The following CAST variants were observed in gnomAD, a reference collection of about 807,000 sequenced individuals.
CAST encodes the protein MIR583 host.
CAST carries 76 observed loss-of-function variants against 119.6 expected under a neutral mutation model. The observed-to-expected ratio is 0.64, with a 90% CI of 0.53 to 0.77. The LOEUF (loss-of-function observed/expected upper bound fraction) is 0.77. Ranked by LOEUF, CAST falls within the 30% of genes least tolerant of loss-of-function variation. The probability of loss-of-function intolerance (pLI) is 0.00; values close to 1 mark genes in which losing one functional copy is unlikely to be tolerated. For missense variants in CAST, 953 were observed against 946.5 expected, an observed-to-expected ratio of 1.01 and a Z score of -0.09; for synonymous variants, 319 against 331.6, an observed-to-expected ratio of 0.96 and a Z score of 0.41.
chr5:96,769,402 T>C (rs1378393734), intron 29 of CAST: 1 of 151,946 alleles, frequency 6.6e-6, no homozygotes, highest in African/African-American at 2.4e-5. Context: ...TTTTGTTTTT[T>C]TTTTTTTGCC....
At chr5:96,568,819 T>TA (rs1746522998) in intron 1 of CAST, among the ~76,000 whole-genome samples, 2 of 152,042 alleles carry the variant, frequency 1.3e-5, no homozygotes, top group African/African-American at 2.4e-5. Flanking sequence ...CTATAATAAC[T>TA]AAATCTATGC....
chr5:96,423,338 T>C, the CAST span: 1 of 1,612,586 alleles, frequency 6.2e-7, no homozygotes, highest in Non-Finnish European at 8.5e-7. Flanking sequence ...GTCCGTGTGA[T>C]TCCACTCCAA....
At chr5:96,666,351 A>C (rs1450781874) in intron 1 of CAST, among the ~76,000 whole-genome samples, 1 of 152,202 alleles carries the variant, frequency 6.6e-6, no homozygotes, top group East Asian at 1.9e-4. Flanking sequence ...AACGAAGGTT[A>C]ATTTGGCCCA....
intron 1 of CAST, among the ~76,000 whole-genome samples, chr5:96,549,893 AG>A (rs1484662773): frequency 2.0e-5 from 3 of 152,232 alleles, no homozygotes. Context: ...ATGTAAACAA[AG>A]CTGCAGGGAA....
chr5:96,650,727 ATTGT>A (rs1748083400), intron 1 of CAST, among the ~76,000 whole-genome samples: 3 of 73,104 alleles, frequency 4.1e-5, no homozygotes, highest in Admixed American at 4.0e-4. Flanking sequence ...TACCCACTTA[ATTGT>A]GTGTGTGTGT....
At chr5:96,619,621 C>G (rs760001741) in intron 1 of CAST, among the ~76,000 whole-genome samples, 2 of 152,210 alleles carry the variant, frequency 1.3e-5, no homozygotes, top group Admixed American at 6.5e-5. Flanking sequence ...CTGTAACGCT[C>G]ACTGCGAAGG....
chr5:96,685,155 C>T (rs552411053), intron 2 of CAST, among the ~76,000 whole-genome samples: 1 of 151,758 alleles, frequency 6.6e-6, no homozygotes, highest in Admixed American at 6.6e-5. Flanking sequence ...TTAGGTCCCA[C>T]CAAATTGTCT....
At chr5:96,256,208 AC>A in the CAST span, among the ~76,000 whole-genome samples, 1 of 148,398 alleles carries the variant, frequency 6.7e-6, no homozygotes, top group African/African-American at 2.4e-5. Context: ...TTATATATAA[AC>A]TTACATATAT....
At chr5:96,429,100 T>C in the CAST span, 1 of 672,328 alleles carries the variant, frequency 1.5e-6, no homozygotes, top group South Asian at 1.7e-5. Flanking sequence ...TAAACAATCT[T>C]GGTCACAATA....
chr5:96,369,215 T>G, the CAST span, among the ~76,000 whole-genome samples: 1 of 151,970 alleles, frequency 6.6e-6, no homozygotes. Context: ...TACTTAGTTC[T>G]TGATGGATTA....
the CAST span, among the ~76,000 whole-genome samples, chr5:96,180,857 A>C: frequency 6.6e-6 from 1 of 152,220 alleles, no homozygotes; most frequent in Non-Finnish European, 1.5e-5. Context: ...GAGCAAATAC[A>C]CTTCCCTGAT....
At chr5:96,174,009 T>C in the CAST span, among the ~76,000 whole-genome samples, 3 of 152,186 alleles carry the variant, frequency 2.0e-5, no homozygotes, top group African/African-American at 4.8e-5. Context: ...TCCGAAGTGC[T>C]GGGATTACAG....
the CAST span, among the ~76,000 whole-genome samples, chr5:96,061,644 AGTGTGT>A: frequency 1.7e-4 from 26 of 149,646 alleles, no homozygotes; most frequent in Admixed American, 4.0e-4. Flanking sequence ...CTTGTTATTC[AGTGTGT>A]GTGTGTGTGT....
chr5:96,280,365 C>T, the CAST span, among the ~76,000 whole-genome samples: 2 of 152,290 alleles, frequency 1.3e-5, no homozygotes, highest in African/African-American at 4.8e-5. Flanking sequence ...TCTCAGCCTA[C>T]ATCACTTCTC....
chr5:96,333,389 C>T, the CAST span, among the ~76,000 whole-genome samples: 510 of 152,264 alleles, frequency 3.3e-3, 3 homozygotes, highest in African/African-American at 0.012. Flanking sequence ...TTGACTTAGA[C>T]GCCCTAGGTG....
At chr5:96,030,907 G>A in the CAST span, among the ~76,000 whole-genome samples, 1 of 152,074 alleles carries the variant, frequency 6.6e-6, no homozygotes, top group African/African-American at 2.4e-5. Context: ...TAAAACATGT[G>A]TGCTCTTATC....
At chr5:96,553,669 C>G (rs1746178584) in intron 1 of CAST, among the ~76,000 whole-genome samples, 1 of 152,130 alleles carries the variant, frequency 6.6e-6, no homozygotes, top group South Asian at 2.1e-4. Context: ...CGTCTCAGCC[C>G]AAAATCTCCT....
chr5:96,517,699 C>G, the CAST span, among the ~76,000 whole-genome samples: 1 of 152,148 alleles, frequency 6.6e-6, no homozygotes, highest in African/African-American at 2.4e-5. Flanking sequence ...CAGGGAGAAC[C>G]AAGTTTAGAG....
the CAST span, among the ~76,000 whole-genome samples, chr5:96,203,960 T>C: frequency 6.6e-6 from 1 of 151,970 alleles, no homozygotes; most frequent in Non-Finnish European, 1.5e-5. Flanking sequence ...GGAAGAAACC[T>C]AGGAGGAGTT....
Sources: allele counts gnomAD v4.1 joint callset (sites outside exome capture counted in the v4.1 genomes callset), GRCh38; gene constraint gnomAD v4.1.1; transcripts MANE v1.5; gene names NCBI Gene and HGNC (gene_info 2026-07-23, HGNC 2026-07-21).